INPP5F: variants seen among roughly 807,000 people sequenced by gnomAD.
INPP5F encodes the protein phosphatidylinositide 4-phosphatase SAC2.
A neutral mutation model predicts 137.2 loss-of-function variants in INPP5F; 97 were observed. The ratio of observed to expected loss-of-function variants is 0.71; its 90% CI spans 0.60 to 0.84. The LOEUF (loss-of-function observed/expected upper bound fraction) is 0.84. INPP5F is among the 40% of genes least tolerant of loss of function. The pLI is 0.00. For synonymous variants in INPP5F, 504 were observed against 476.9 expected (o/e 1.06, Z -0.74); for missense variants, 1,271 against 1,371.9 (o/e 0.93, Z 1.16).
chr10:119,790,829 T>C (rs941640400), intron 3 of INPP5F, among the ~76,000 whole-genome samples: 1 of 152,248 alleles, frequency 6.6e-6, no homozygotes, highest in African/African-American at 2.4e-5. Flanking sequence ...TAGCCTTCTT[T>C]AGAACCTTCT....
chr10:119,730,689 G>T (rs142151009), intron 1 of INPP5F, among the ~76,000 whole-genome samples: 204 of 152,170 alleles, frequency 1.3e-3, no homozygotes, highest in African/African-American at 4.6e-3. Flanking sequence ...CTGAGACTGA[G>T]CGACCAAGAA....
chr10:119,811,731 G>T, intron 14 of INPP5F, 26 bp from the exon 15 acceptor site: 1 of 1,552,474 alleles, frequency 6.4e-7, no homozygotes, highest in South Asian at 1.2e-5. Flanking sequence ...CTAAAATGAT[G>T]ATAGATATTA....
intron 3 of INPP5F, among the ~76,000 whole-genome samples, chr10:119,791,149 A>G (rs1188731715): frequency 1.3e-5 from 2 of 152,254 alleles, no homozygotes; most frequent in East Asian, 3.8e-4. Flanking sequence ...ACCCTGAAGC[A>G]TAGCAAATGT....
chr10:119,771,433 G>A (rs1408469520), intron 2 of INPP5F, among the ~76,000 whole-genome samples: 10 of 151,960 alleles, frequency 6.6e-5, no homozygotes, highest in Non-Finnish European at 4.4e-5. Context: ...ACAAGTGCGT[G>A]GTTTAACAAC....
chr10:119,803,213 C>T (rs1850654696), intron 9 of INPP5F, among the ~76,000 whole-genome samples: 1 of 152,150 alleles, frequency 6.6e-6, no homozygotes, highest in Non-Finnish European at 1.5e-5. Context: ...AGTCATGCTC[C>T]AACCTACATT....
intron 15 of INPP5F, among the ~76,000 whole-genome samples, chr10:119,820,283 AG>A: frequency 6.6e-6 from 1 of 152,240 alleles, no homozygotes; most frequent in Non-Finnish European, 1.5e-5. Flanking sequence ...AAATGGAATA[AG>A]GAAGTGTTTG....
intron 2 of INPP5F, among the ~76,000 whole-genome samples, chr10:119,759,088 C>T (rs1321023116): frequency 6.6e-6 from 1 of 152,218 alleles, no homozygotes; most frequent in African/African-American, 2.4e-5. Context: ...TCATCCTCTG[C>T]TGGAGGCTGG....
intron 1 of INPP5F, among the ~76,000 whole-genome samples, chr10:119,745,699 C>CTTTTTTTTT (rs35485618): frequency 1.1e-5 from 1 of 90,546 alleles, no homozygotes; most frequent in Non-Finnish European, 2.0e-5. Flanking sequence ...AGGCTCATTC[C>CTTTTTTTTT]TTTTTTTTTT....
chr10:119,727,024 T>C (rs1271642327), intron 1 of INPP5F, among the ~76,000 whole-genome samples: 2 of 152,244 alleles, frequency 1.3e-5, no homozygotes, highest in Non-Finnish European at 2.9e-5. Flanking sequence ...TTGGGTGTCA[T>C]GTAAGCTGTT....
chr10:119,821,864 C>CTTT (rs11347174), intron 16 of INPP5F, among the ~76,000 whole-genome samples: 64 of 88,134 alleles, frequency 7.3e-4, no homozygotes, highest in East Asian at 2.4e-3. Context: ...CTTGTAGTTG[C>CTTT]TTTTTTTTTT....
At chr10:119,822,336 CTGTA>C in intron 16 of INPP5F, 91 bp from the exon 17 acceptor site, 1 of 553,618 alleles carries the variant, frequency 1.8e-6, no homozygotes, top group East Asian at 3.1e-5. Flanking sequence ...ATTTTGTTAA[CTGTA>C]TGTAACAGTT....
chr10:119,727,656 C>G (rs1425955744), intron 1 of INPP5F, among the ~76,000 whole-genome samples: 1 of 152,200 alleles, frequency 6.6e-6, no homozygotes, highest in Non-Finnish European at 1.5e-5. Context: ...TCCTCAGGCT[C>G]TGTCTATATT....
intron 9 of INPP5F, 134 bp from the exon 10 acceptor site, chr10:119,804,039 G>C (rs1850681997): frequency 1.7e-6 from 1 of 574,750 alleles, no homozygotes; most frequent in Non-Finnish European, 2.9e-6. Flanking sequence ...TTCTAAGTAT[G>C]GCTATAAAAT....
chr10:119,759,930 A>AT (rs1848961211), intron 2 of INPP5F, among the ~76,000 whole-genome samples: 1 of 151,806 alleles, frequency 6.6e-6, no homozygotes, highest in African/African-American at 2.4e-5. Context: ...GTGCTTCAGA[A>AT]TTTCCCACCT....
intron 19 of INPP5F, among the ~76,000 whole-genome samples, chr10:119,824,625 C>G: frequency 6.6e-6 from 1 of 152,116 alleles, no homozygotes; most frequent in East Asian, 1.9e-4. Context: ...GTGTTTTCCT[C>G]TTTATAATTG....
rs188838158 is a variant in INPP5F, at chr10:119,779,181, T to A, written c.179-2454T>A. Among the ~76,000 whole-genome samples, 87 of 152,228 alleles carry A rather than the reference T, an allele frequency of 5.7e-4. 1 individual carries two copies. Among genetic ancestry groups the A allele is most frequent in the Non-Finnish European group, 1.9e-4 (13 of 68,010 alleles). On this transcript the variant is annotated intron_variant, in intron 2 of 19. Coordinates refer to ENST00000650623, the MANE Select transcript of INPP5F (RefSeq NM_014937.4). ...GGGCAATTTCATCTAAACATAGAAATGGTACAGTAAAAATACTGTACAAAA... is the reference window on the plus strand; with the variant it reads ...GGGCAATTTCATCTAAACATAGAAAAGGTACAGTAAAAATACTGTACAAAA...
intron 1 of INPP5F, among the ~76,000 whole-genome samples, chr10:119,742,335 T>C (rs1848400418): frequency 1.3e-5 from 2 of 151,992 alleles, no homozygotes; most frequent in Non-Finnish European, 2.9e-5. Context: ...TTTTTGTATT[T>C]TTAGTAGAGA....
At position 119,826,650 on chromosome 10, in the gene INPP5F, G is replaced by A. The variant is rs763846879; in HGVS notation, c.2269G>A (p.Glu757Lys). The A allele has an allele frequency of 1.4e-5, 23 of 1,587,428 alleles. No homozygotes were observed. The South Asian group carries it at 1.5e-4, about 10-fold the overall frequency. Residue 757 changes from glutamate to lysine, a missense_variant, in exon 20 of 20, where the codon GAA becomes AAA. Transcript: ENST00000650623. ...KLERKSSKPHEDIIGIRSQNQ... is the reference protein window; with the variant it reads ...KLERKSSKPHKDIIGIRSQNQ... ...TTGTAGGAAGAGCAGTAAACCTCAC[G>A]AAGACATCATTGGTATCAGGTCTCA...
intron 1 of INPP5F, among the ~76,000 whole-genome samples, chr10:119,746,865 G>A (rs1317455197): frequency 2.0e-5 from 3 of 150,648 alleles, no homozygotes; most frequent in Admixed American, 6.6e-5. Context: ...CTCAGCTCAC[G>A]GCAACCTCTA....
Sources: allele counts gnomAD v4.1 joint callset (sites outside exome capture counted in the v4.1 genomes callset), GRCh38; gene constraint gnomAD v4.1.1; transcripts MANE v1.5; gene names NCBI Gene and HGNC (gene_info 2026-07-23, HGNC 2026-07-21).